The following CHL1 variants were observed in gnomAD, a reference collection of about 807,000 sequenced individuals.
CHL1 encodes neural cell adhesion molecule L1-like protein.
Under a neutral mutation model 141.9 loss-of-function variants are expected in CHL1, and 96 were observed. The observed-to-expected ratio is 0.68, with a 90% CI of 0.57 to 0.80. CHL1 has a LOEUF of 0.80. CHL1 is among the 30% of genes least tolerant of loss of function. The pLI is 0.00. For synonymous variants in CHL1, 613 were observed against 502.2 expected, an observed-to-expected ratio of 1.22 and a Z score of -2.95; for missense variants, 1,820 against 1,457.2, an observed-to-expected ratio of 1.25 and a Z score of -4.05.
intron 3 of CHL1, among the ~76,000 whole-genome samples, chr3:324,605 C>CTTTA (rs60745240): frequency 0.075 from 10,890 of 145,986 alleles, 558 homozygotes; most frequent in African/African-American, 0.14. Flanking sequence ...TCACTTCCTA[C>CTTTA]TTTATTTATT....
At chr3:337,335 C>G (rs1309341358) in intron 5 of CHL1, among the ~76,000 whole-genome samples, 1 of 148,654 alleles carries the variant, frequency 6.7e-6, no homozygotes, top group Non-Finnish European at 1.5e-5. Flanking sequence ...GGACCACAGG[C>G]GCCCGCCACC....
intron 6 of CHL1, 36 bp from the exon 7 acceptor site, chr3:341,876 A>C (rs1702370209): frequency 6.6e-7 from 1 of 1,510,240 alleles, no homozygotes; most frequent in South Asian, 1.3e-5. Context: ...AGTAAGGGAC[A>C]ATTGCCCTTT....
intron 2 of CHL1, chr3:282,612 T>C (rs963812500): frequency 6.6e-6 from 1 of 152,216 alleles, no homozygotes; most frequent in African/African-American, 2.4e-5. Flanking sequence ...TTTTGCTGTG[T>C]ATAGAATTCT....
At chr3:335,511 A>G (rs998879112) in intron 5 of CHL1, among the ~76,000 whole-genome samples, 1 of 152,320 alleles carries the variant, frequency 6.6e-6, no homozygotes, top group East Asian at 1.9e-4. Context: ...TGCACTCAGT[A>G]GCATGCAGTT....
At chr3:221,625 C>T (rs991942063) in intron 1 of CHL1, among the ~76,000 whole-genome samples, 3 of 152,218 alleles carry the variant, frequency 2.0e-5, no homozygotes, top group Non-Finnish European at 2.9e-5. Context: ...TGAGCAACAC[C>T]TCAGTACTTA....
chr3:290,859 C>G (rs1330927215), intron 2 of CHL1, among the ~76,000 whole-genome samples: 6 of 151,134 alleles, frequency 4.0e-5, no homozygotes, highest in Middle Eastern at 3.4e-3. Context: ...TTGCTTGAAC[C>G]CGGGAGACAG....
chr3:385,159 C>T (rs932859722), intron 19 of CHL1, among the ~76,000 whole-genome samples: 1 of 151,946 alleles, frequency 6.6e-6, no homozygotes, highest in Non-Finnish European at 1.5e-5. Context: ...CTGTATTATC[C>T]TCCCTTAAGT....
intron 1 of CHL1, among the ~76,000 whole-genome samples, chr3:232,236 C>T (rs1438722092): frequency 6.6e-6 from 1 of 152,118 alleles, no homozygotes; most frequent in African/African-American, 2.4e-5. Flanking sequence ...TTAATTTGGT[C>T]TTTTGAGTGA....
intron 19 of CHL1, among the ~76,000 whole-genome samples, chr3:386,208 GA>G (rs11359398): frequency 0.79 from 95,568 of 120,708 alleles, 39,383 homozygotes; most frequent in East Asian, 0.97. Context: ...GACATAATTT[GA>G]AAAAAAAAAA....
Position 340,834 on chromosome 3 carries a change from A to G in CHL1, c.426A>G (p.Glu142=), listed in dbSNP as rs1702292834. The G allele has an allele frequency of 1.9e-6, 3 of 1,612,290 alleles. No homozygotes were observed. The highest frequency in any genetic ancestry group is 2.5e-6 in the Non-Finnish European group (3 of 1,178,688). ...CAAAAGAAAAAATTGACCCTCTTGA[A>G]GTGGAGGAGGGAGATCCAATTGTCC... ...KFPKEKIDPL[E]VEEGDPIVLP... Residue 142 remains glutamate (E), a synonymous_variant, in exon 6 of 28, where the codon GAA becomes GAG. Coordinates refer to ENST00000256509, the MANE Select transcript of CHL1 (RefSeq NM_006614.4).
intron 1 of CHL1, among the ~76,000 whole-genome samples, chr3:223,342 C>G (rs373224315): frequency 6.6e-6 from 1 of 152,078 alleles, no homozygotes; most frequent in East Asian, 1.9e-4. Context: ...GATAAACATC[C>G]TCTAAATATT....
intron 1 of CHL1, among the ~76,000 whole-genome samples, chr3:232,568 TCA>T (rs1385926523): frequency 2.6e-5 from 4 of 152,212 alleles, no homozygotes; most frequent in African/African-American, 7.2e-5. Flanking sequence ...CTATTTATTT[TCA>T]CAGTTTTACA....
chr3:340,577 G>A (rs971069709), intron 5 of CHL1, among the ~76,000 whole-genome samples: 1 of 151,984 alleles, frequency 6.6e-6, no homozygotes, highest in African/African-American at 2.4e-5. Flanking sequence ...TTATTGTCTG[G>A]GGTTTCAAAA....
intron 16 of CHL1, among the ~76,000 whole-genome samples, chr3:381,050 T>C (rs1706968976): frequency 6.6e-6 from 1 of 152,180 alleles, no homozygotes; most frequent in South Asian, 2.1e-4. Flanking sequence ...GGAACTTGTT[T>C]GCAAATGCAG....
chr3:274,485 T>G (rs1007495837), intron 2 of CHL1, among the ~76,000 whole-genome samples: 3 of 152,236 alleles, frequency 2.0e-5, no homozygotes, highest in Non-Finnish European at 2.9e-5. Flanking sequence ...ACTGTTCAGA[T>G]TAGCTAAATG....
intron 9 of CHL1, among the ~76,000 whole-genome samples, chr3:348,322 C>T (rs1156838525): frequency 1.3e-5 from 2 of 152,106 alleles, no homozygotes; most frequent in Non-Finnish European, 2.9e-5. Flanking sequence ...CACCAAATAA[C>T]CTACAGCTAC....
chr3:378,723 C>G (rs1706660605), intron 16 of CHL1, among the ~76,000 whole-genome samples: 1 of 152,198 alleles, frequency 6.6e-6, no homozygotes, highest in Admixed American at 6.5e-5. Flanking sequence ...TCCCTGTGGA[C>G]TGGCTGTGTC....
chr3:288,905 A>T (rs1697412939), intron 2 of CHL1, among the ~76,000 whole-genome samples: 1 of 152,216 alleles, frequency 6.6e-6, no homozygotes, highest in South Asian at 2.1e-4. Context: ...GTGTTATTAG[A>T]TGAAGACTTT....
At chr3:337,783 T>G (rs1234056949) in intron 5 of CHL1, among the ~76,000 whole-genome samples, 2 of 152,158 alleles carry the variant, frequency 1.3e-5, no homozygotes, top group Non-Finnish European at 2.9e-5. Context: ...TCCAGGACAT[T>G]TGGGTTGGTT....
Sources: gnomAD v4.1 joint callset for allele counts (sites outside exome capture counted in the v4.1 genomes callset) on GRCh38, gnomAD v4.1.1 for gene constraint, MANE v1.5 for transcripts, NCBI Gene and HGNC (gene_info 2026-07-23, HGNC 2026-07-21) for gene names.